Variants in CRHR2 observed in about 807,000 individuals in gnomAD.
CRHR2 encodes corticotropin releasing hormone receptor 2.
A neutral mutation model predicts 57.9 loss-of-function variants in CRHR2; 53 were observed. The ratio of observed to expected loss-of-function variants is 0.92; its 90% CI spans 0.73 to 1.15. The LOEUF (loss-of-function observed/expected upper bound fraction) is 1.15, where lower values mean the gene tolerates loss of function less well. Among genes scored for constraint, CRHR2 ranks in the 50% most tolerant of loss-of-function variants. The pLI, the probability that CRHR2 is intolerant of heterozygous loss-of-function variation, is 0.00. For synonymous variants in CRHR2, 213 were observed against 220.9 expected (o/e 0.96, Z 0.32); for missense variants, 532 against 542.6 (o/e 0.98, Z 0.19).
rs1457942435 is a variant in CRHR2, at chr7:30,660,565, G to C, written c.831+8C>G. ...CCAGCCCCATCCCAGCCACCGCTGAGGGCTTACCAGGAGCACGAGAATGAT... is the reference window on the plus strand; with the variant it reads ...CCAGCCCCATCCCAGCCACCGCTGACGGCTTACCAGGAGCACGAGAATGAT... On this transcript the variant is annotated splice_region_variant and intron_variant, in intron 8 of 11. Transcript: ENST00000471646. The C allele has an allele frequency of 1.9e-6, 3 of 1,558,666 alleles. No individual in the cohort carries two copies. The highest frequency in any genetic ancestry group is 2.6e-6 in the Non-Finnish European group (3 of 1,151,190).
At chr7:30,663,718 G>A (rs546827492) in intron 5 of CRHR2, among the ~76,000 whole-genome samples, 2 of 152,350 alleles carry the variant, frequency 1.3e-5, no homozygotes, top group Admixed American at 1.3e-4. Flanking sequence ...TCTAGACATT[G>A]GGCTTCCAGG....
chr7:30,662,247 G>C (rs776276879), intron 6 of CRHR2, 31 bp from the exon 7 acceptor site: 14 of 1,611,556 alleles, frequency 8.7e-6, no homozygotes, highest in Non-Finnish European at 1.2e-5. Flanking sequence ...GGCTGCAGGG[G>C]ACAGATGGAC....
chr7:30,672,115 G>A (rs964530234), intron 2 of CRHR2, among the ~76,000 whole-genome samples: 2 of 152,182 alleles, frequency 1.3e-5, no homozygotes, highest in Admixed American at 6.5e-5. Flanking sequence ...CTTCCCACCC[G>A]ATATTCCGAC....
upstream of CRHR2, among the ~76,000 whole-genome samples, chr7:30,686,923 T>C (rs935559175): frequency 1.3e-5 from 2 of 152,162 alleles, no homozygotes; most frequent in African/African-American, 2.4e-5. Context: ...TAGTCTTTAT[T>C]TTATTTAGTC....
At chr7:30,674,410 A>G (rs1784453195) in intron 2 of CRHR2, among the ~76,000 whole-genome samples, 1 of 152,180 alleles carries the variant, frequency 6.6e-6, no homozygotes, top group African/African-American at 2.4e-5. Context: ...GGGGACCAAC[A>G]CAGGACCCCT....
chr7:30,682,421 T>C lies in CRHR2; in HGVS notation c.-141A>G. The C allele has an allele frequency of 7.4e-7, 1 of 1,357,758 alleles. No individual in the cohort carries two copies. The highest frequency in any genetic ancestry group is 9.4e-7 in the Non-Finnish European group (1 of 1,062,084). The allele number at this position is 1,357,758 out of a possible 1,614,324, so 84.1% of individuals were successfully genotyped here. ...CCAGCCCCGATCTCCCGGGCAGCCT[T>C]TGGGCGCCACCTCCGGTCGCCCAGA... On this transcript the variant is annotated 5_prime_UTR_variant, in exon 1 of 12. Transcript: ENST00000471646.
intron 7 of CRHR2, among the ~76,000 whole-genome samples, chr7:30,661,796 G>C (rs900740732): frequency 2.0e-5 from 3 of 152,154 alleles, no homozygotes; most frequent in African/African-American, 7.2e-5. Flanking sequence ...CTCTTTAAAT[G>C]CTCATGGACA....
intron 2 of CRHR2, among the ~76,000 whole-genome samples, chr7:30,669,741 G>T (rs1310086531): frequency 1.3e-5 from 2 of 152,060 alleles, no homozygotes; most frequent in African/African-American, 4.8e-5. Flanking sequence ...GCTCTTTATT[G>T]TGCTCAAGAA....
chr7:30,664,998 C>G, intron 5 of CRHR2, 72 bp downstream of exon 5: 1 of 1,243,092 alleles, frequency 8.0e-7, no homozygotes, highest in Non-Finnish European at 1.2e-6. Flanking sequence ...AAGCAGAGAC[C>G]AGACAGACAG....
intron 5 of CRHR2, among the ~76,000 whole-genome samples, chr7:30,663,108 C>T (rs558124809): frequency 3.1e-4 from 47 of 152,292 alleles, no homozygotes; most frequent in African/African-American, 1.0e-3. Flanking sequence ...ATTTTTCATT[C>T]TAGTAAAGAG....
At position 30,672,593 on chromosome 7, in the gene CRHR2, G is replaced by A. The variant is rs2128144909; in HGVS notation, c.230-5280C>T. On this transcript the variant is annotated intron_variant, in intron 2 of 11. Transcript: ENST00000471646. ...CAAGATGCATGGCAAATACAAAACA[G>A]TCACACATACATGCAGGAGGAAGCA... Among the ~76,000 whole-genome samples, 2 of 152,328 alleles carry A rather than the reference G, an allele frequency of 1.3e-5. 1 individual carries two copies. The highest frequency in any genetic ancestry group is 4.1e-4 in the South Asian group (2 of 4,826).
Position 30,660,568 on chromosome 7 carries a change from C to A in CRHR2, c.831+5G>T. ...GCCCCATCCCAGCCACCGCTGAGGG[C>A]TTACCAGGAGCACGAGAATGATGGG... On this transcript the variant is annotated splice_donor_5th_base_variant and intron_variant, in intron 8 of 11. Coordinates refer to ENST00000471646, the MANE Select transcript of CRHR2 (RefSeq NM_001883.5). 2 of 1,559,652 alleles carry A rather than the reference C, an allele frequency of 1.3e-6. No homozygotes were observed. The highest frequency in any genetic ancestry group is 1.7e-6 in the Non-Finnish European group (2 of 1,151,656).
At chr7:30,684,864 C>T (rs547444060), upstream of CRHR2, among the ~76,000 whole-genome samples, 1 of 152,314 alleles carries the variant, frequency 6.6e-6, no homozygotes, top group South Asian at 2.1e-4. Flanking sequence ...CCAAAATTCC[C>T]TCAATTTTAC....
chr7:30,673,737 T>C (rs1002535255), intron 2 of CRHR2, among the ~76,000 whole-genome samples: 2 of 152,208 alleles, frequency 1.3e-5, no homozygotes, highest in African/African-American at 4.8e-5. Flanking sequence ...CCTGCATTGC[T>C]TGGAGGCCAC....
chr7:30,686,470 T>A (rs1175946207), upstream of CRHR2: 4 of 1,524,984 alleles, frequency 2.6e-6, no homozygotes, highest in Non-Finnish European at 3.5e-6. Context: ...CTGGCATATG[T>A]GTGTGTGTTG....
Position 30,653,596 on chromosome 7 carries a change from CG to C in CRHR2, c.1099del (p.Arg367AlafsTer4). 6.2e-7 allele frequency: 1 copy of C among 1,609,362 alleles called. No individual in the cohort carries two copies. The highest frequency in any genetic ancestry group is 8.5e-7 in the Non-Finnish European group (1 of 1,179,072). On this transcript the variant is annotated frameshift_variant, in exon 12 of 12. Coordinates refer to ENST00000471646, the MANE Select transcript of CRHR2 (RefSeq NM_001883.5). LOFTEE classifies it high-confidence loss of function. The surrounding 1 kb of genome is among the most constrained non-coding windows in gnomAD (Gnocchi z 5.0). ...GTGCCACCTCTTCCTCACGGCTGAG[CG>C]CACCTGTGGGGAAGGCAGAGGCTCA... ...VFYCFFNGEV[R>X]SAVRKRWHRW...
intron 2 of CRHR2, among the ~76,000 whole-genome samples, chr7:30,679,096 C>G (rs1490760339): frequency 6.6e-6 from 1 of 152,210 alleles, no homozygotes; most frequent in Non-Finnish European, 1.5e-5. Flanking sequence ...CCCAGCCTGT[C>G]TCCTTGCCTT....
chr7:30,692,859 C>T (rs933672476), intron 1 of CRHR2, among the ~76,000 whole-genome samples: 1 of 152,202 alleles, frequency 6.6e-6, no homozygotes, highest in Non-Finnish European at 1.5e-5. Context: ...GGTCCCACTT[C>T]AGGTAAGGGG....
chr7:30,662,551 T>C, intron 6 of CRHR2, 143 bp downstream of exon 6: 1 of 969,346 alleles, frequency 1.0e-6, no homozygotes. Flanking sequence ...CTCACCAGCA[T>C]GGAGGGAAGT....
Sources: gnomAD v4.1 joint callset for allele counts (sites outside exome capture counted in the v4.1 genomes callset) on GRCh38, gnomAD v4.1.1 for gene constraint, Gnocchi (gnomAD v3.1) non-coding constraint, MANE v1.5 for transcripts, NCBI Gene and HGNC (gene_info 2026-07-23, HGNC 2026-07-21) for gene names.